Variants in PRORP observed in about 807,000 individuals in gnomAD.
The protein encoded by PRORP is mitochondrial ribonuclease P catalytic subunit.
In PRORP, 51 loss-of-function variants were observed where a neutral mutation model predicts 59.4. The ratio of observed to expected loss-of-function variants is 0.86; its 90% CI spans 0.69 to 1.08. PRORP has a LOEUF of 1.08. Among genes scored for constraint, PRORP ranks in the 50% least tolerant of loss-of-function variants. The pLI is 0.00. For missense variants in PRORP, 646 were observed against 690.3 expected (o/e 0.94, Z 0.72); for synonymous variants, 231 against 245.6 (o/e 0.94, Z 0.55).
rs758451956 is a variant in PRORP, at chr14:35,270,609, G to C, written c.1620+13G>C. 6.2e-7 allele frequency: 1 copy of C among 1,606,802 alleles called. No homozygotes were observed. Among genetic ancestry groups the C allele is most frequent in the East Asian group, 2.2e-5 (1 of 44,844 alleles). On this transcript the variant is annotated intron_variant, in intron 7 of 7. Coordinates refer to ENST00000534898, the MANE Select transcript of PRORP (RefSeq NM_014672.4). ...ACTAACCTTTCAGGTAATGGTACCT[G>C]TTCTTTATGTAATATTAACAGAGTC... is the stretch of plus-strand genomic sequence containing the variant.
At chr14:35,264,807 G>A (rs1313384569) in intron 5 of PRORP, among the ~76,000 whole-genome samples, 2 of 152,128 alleles carry the variant, frequency 1.3e-5, no homozygotes, top group East Asian at 1.9e-4. Context: ...GTGAAACCCC[G>A]TCTCTGCTAA....
chr14:35,182,990 C>T (rs946974037), intron 5 of PRORP, among the ~76,000 whole-genome samples: 2 of 151,858 alleles, frequency 1.3e-5, no homozygotes, highest in African/African-American at 4.8e-5. Flanking sequence ...ATCTTAAGCC[C>T]GATACATATT....
intron 5 of PRORP, among the ~76,000 whole-genome samples, chr14:35,186,223 G>C (rs981669608): frequency 6.7e-6 from 1 of 148,218 alleles, no homozygotes; most frequent in Non-Finnish European, 1.5e-5. Context: ...CTGGGCTTAA[G>C]TTGCCTGCTG....
rs556273413 is a variant in PRORP, at chr14:35,184,679, T to C, written c.1275+3902T>C. On this transcript the variant is annotated intron_variant, in intron 5 of 7. Coordinates refer to ENST00000534898, the MANE Select transcript of PRORP (RefSeq NM_014672.4). ...TCTGCTCCTCTGCCTTCTCCCACAC[T>C]CCCCGCTCAAGTAGACCCCAGTGTC... Among the ~76,000 whole-genome samples the C allele has an allele frequency of 2.8e-4, 42 of 152,222 alleles. No homozygotes were observed. In the South Asian group the frequency reaches 8.5e-3, roughly 31 times the overall value.
chr14:35,189,969 T>A (rs2048842092), intron 5 of PRORP, among the ~76,000 whole-genome samples: 1 of 148,166 alleles, frequency 6.7e-6, no homozygotes, highest in South Asian at 2.1e-4. Flanking sequence ...ATTAGCTGGG[T>A]GTGGTGGCAC....
intron 5 of PRORP, among the ~76,000 whole-genome samples, chr14:35,263,475 TC>T (rs1476234828): frequency 2.0e-5 from 3 of 152,048 alleles, no homozygotes; most frequent in Non-Finnish European, 4.4e-5. Context: ...TCACCTGAGG[TC>T]AGGAGTTTGA....
chr14:35,179,692 T>C (rs1164308545), intron 4 of PRORP, among the ~76,000 whole-genome samples: 1 of 152,240 alleles, frequency 6.6e-6, no homozygotes, highest in Non-Finnish European at 1.5e-5. Flanking sequence ...AACTTCCTTC[T>C]TCAGCTTAGA....
At chr14:35,271,200 C>T (rs893511744) in intron 7 of PRORP, among the ~76,000 whole-genome samples, 8 of 146,086 alleles carry the variant, frequency 5.5e-5, no homozygotes, top group African/African-American at 2.0e-4. Context: ...ACTCTGTCGC[C>T]CAGGCTGGAG....
intron 4 of PRORP, among the ~76,000 whole-genome samples, chr14:35,142,515 A>T: frequency 1.3e-5 from 1 of 78,728 alleles, no homozygotes; most frequent in African/African-American, 3.3e-5. Context: ...TGCCCTGCTA[A>T]TTTTTAAATT....
intron 5 of PRORP, chr14:35,235,353 T>TAA (rs1391167490): frequency 1.4e-6 from 1 of 702,276 alleles, no homozygotes; most frequent in Non-Finnish European, 2.6e-6. Flanking sequence ...TCTTCCGAGT[T>TAA]AACCTGTGTA....
chr14:35,213,503 G>T (rs1444340239), intron 5 of PRORP, among the ~76,000 whole-genome samples: 1 of 152,078 alleles, frequency 6.6e-6, no homozygotes, highest in Non-Finnish European at 1.5e-5. Context: ...GGCACAAAAG[G>T]CCTAGCTTTT....
intron 4 of PRORP, among the ~76,000 whole-genome samples, chr14:35,155,717 A>G (rs1367945013): frequency 6.6e-6 from 1 of 151,842 alleles, no homozygotes; most frequent in East Asian, 1.9e-4. Flanking sequence ...TCAAGTAAAC[A>G]TATTATATAT....
At chr14:35,179,552 C>T (rs1595251847) in intron 4 of PRORP, among the ~76,000 whole-genome samples, 1 of 152,136 alleles carries the variant, frequency 6.6e-6, no homozygotes, top group East Asian at 1.9e-4. Context: ...CTTGTGCATT[C>T]GTCACGTAGT....
In PRORP at chr14:35,266,499, A is replaced by AC. The variant is rs2051044693; in HGVS notation, c.1276-228_1276-227insC. 2.7e-5 allele frequency among the ~76,000 whole-genome samples: 4 copies of AC among 150,212 alleles called. 1 individual carries two copies. In the South Asian group the frequency reaches 8.6e-4, roughly 32 times the overall value. On this transcript the variant is annotated intron_variant, in intron 5 of 7. Coordinates refer to ENST00000534898, the MANE Select transcript of PRORP (RefSeq NM_014672.4). ...CCTGTCCCACACACAAAAATAAAGA[A>AC]ACCCCCCCCTGCAATGTAGCCTGAC...
At chr14:35,140,801 TTTCTG>T (rs1162348585) in intron 4 of PRORP, among the ~76,000 whole-genome samples, 2 of 145,944 alleles carry the variant, frequency 1.4e-5, no homozygotes, top group African/African-American at 4.9e-5. Flanking sequence ...GGCAGCTTCT[TTTCTG>T]TTGAATAGTT....
intron 4 of PRORP, among the ~76,000 whole-genome samples, chr14:35,179,209 A>T (rs527842337): frequency 6.6e-6 from 1 of 152,202 alleles, no homozygotes; most frequent in South Asian, 2.1e-4. Context: ...GAATCTGACA[A>T]TTATGTATCT....
chr14:35,180,127 T>G (rs1365646068), intron 4 of PRORP, among the ~76,000 whole-genome samples: 1 of 152,172 alleles, frequency 6.6e-6, no homozygotes, highest in Non-Finnish European at 1.5e-5. Flanking sequence ...CCGTGTGAGG[T>G]GTCAGTCTGC....
intron 5 of PRORP, among the ~76,000 whole-genome samples, chr14:35,199,269 ATG>A (rs2139121223): frequency 6.7e-6 from 1 of 148,310 alleles, no homozygotes; most frequent in East Asian, 2.1e-4. Context: ...CGGAAGGCGG[ATG>A]TTGCAGTAAG....
At chr14:35,197,068 C>T (rs2049026611) in intron 5 of PRORP, among the ~76,000 whole-genome samples, 1 of 152,302 alleles carries the variant, frequency 6.6e-6, no homozygotes, top group South Asian at 2.1e-4. Context: ...TCAAGTGATC[C>T]AGTGTCTTTG....
Sources: gnomAD v4.1 joint callset for allele counts (sites outside exome capture counted in the v4.1 genomes callset) on GRCh38, gnomAD v4.1.1 for gene constraint, MANE v1.5 for transcripts, NCBI Gene and HGNC (gene_info 2026-07-23, HGNC 2026-07-21) for gene names.